The following EPB41L2 variants were observed in gnomAD, a reference collection of about 807,000 sequenced individuals.
EPB41L2 encodes the protein band 4.1-like protein 2.
Under a neutral mutation model 113.0 loss-of-function variants are expected in EPB41L2, and 43 were observed. The ratio of observed to expected loss-of-function variants is 0.38; its 90% confidence interval spans 0.30 to 0.49. The LOEUF (loss-of-function observed/expected upper bound fraction) is 0.49, where lower values mean the gene tolerates loss of function less well. EPB41L2 is among the 20% of genes least tolerant of loss of function. The probability of loss-of-function intolerance (pLI) is 0.95; values close to 1 mark genes in which losing one functional copy is unlikely to be tolerated. For synonymous variants in EPB41L2, 442 were observed against 436.7 expected (o/e 1.01, Z -0.15); for missense variants, 1,147 against 1,223.4 (o/e 0.94, Z 0.93).
intron 1 of EPB41L2, among the ~76,000 whole-genome samples, chr6:131,001,070 GC>G (rs1367356860): frequency 6.6e-6 from 1 of 151,914 alleles, no homozygotes; most frequent in Non-Finnish European, 1.5e-5. Context: ...GAAACTTTCT[GC>G]CAAGTATATT....
chr6:130,936,940 T>C lies in EPB41L2; in HGVS notation c.706-10231A>G, dbSNP rs542378347. On this transcript the variant is annotated intron_variant, in intron 3 of 19. Coordinates refer to ENST00000337057, the MANE Select transcript of EPB41L2 (RefSeq NM_001431.4). Reference sequence around the variant, plus strand: ...GCATCAGACCCGCTGAATTAGAATCTACAAAAGAAGAACCTGGGCATCTGT... The same window carrying C: ...GCATCAGACCCGCTGAATTAGAATCCACAAAAGAAGAACCTGGGCATCTGT... Among the ~76,000 whole-genome samples, 14 of 152,368 alleles carry C rather than the reference T, an allele frequency of 9.2e-5. No homozygotes were observed. In the South Asian group the frequency reaches 2.7e-3, roughly 29 times the overall value.
chr6:130,950,315 A>C (rs981473217), intron 3 of EPB41L2, among the ~76,000 whole-genome samples: 2 of 150,304 alleles, frequency 1.3e-5, no homozygotes, highest in Admixed American at 6.6e-5. Context: ...AAAATATATA[A>C]TGGTAAATCT....
intron 1 of EPB41L2, among the ~76,000 whole-genome samples, chr6:130,972,598 A>T (rs1777116674): frequency 6.6e-6 from 1 of 151,606 alleles, no homozygotes; most frequent in African/African-American, 2.4e-5. Context: ...CAGGACTCAG[A>T]TAGACTATAA....
At chr6:130,977,582 C>A (rs1778466794) in intron 1 of EPB41L2, among the ~76,000 whole-genome samples, 1 of 152,148 alleles carries the variant, frequency 6.6e-6, no homozygotes, top group Non-Finnish European at 1.5e-5. Flanking sequence ...CTACAATGCT[C>A]CCCAGCTCTG....
At chr6:130,938,871 CT>C (rs1809819666) in intron 3 of EPB41L2, among the ~76,000 whole-genome samples, 1 of 152,008 alleles carries the variant, frequency 6.6e-6, no homozygotes, top group South Asian at 2.1e-4. Flanking sequence ...TGCTTATCTG[CT>C]AGATTTGAAA....
rs570972995 is a variant in EPB41L2 at position 130,962,593 on chromosome 6, G to A, written c.-14-6094C>T. 3.0e-4 allele frequency among the ~76,000 whole-genome samples: 46 copies of A among 152,160 alleles called. No individual in the cohort carries two copies. In the South Asian group the frequency reaches 4.2e-3, roughly 14 times the overall value. On this transcript the variant is annotated intron_variant, in intron 1 of 19. Transcript: ENST00000337057. ...TCACTTGTTTATTTATTTTTAAAAG[G>A]ATAAGGGACCTATTAGACAGAGCTA...
chr6:131,019,296 T>C (rs1024813179), intron 1 of EPB41L2, among the ~76,000 whole-genome samples: 2 of 152,222 alleles, frequency 1.3e-5, no homozygotes, highest in Non-Finnish European at 2.9e-5. Flanking sequence ...TGATCTTCTT[T>C]ACATAAATTT....
chr6:130,928,161 CA>C (rs780959456), intron 3 of EPB41L2, among the ~76,000 whole-genome samples: 3 of 152,090 alleles, frequency 2.0e-5, no homozygotes, highest in Non-Finnish European at 4.4e-5. Flanking sequence ...TACAGGTTTG[CA>C]ATGAGGATTT....
At chr6:130,949,848 A>T (rs1044326468) in intron 3 of EPB41L2, among the ~76,000 whole-genome samples, 3 of 152,046 alleles carry the variant, frequency 2.0e-5, no homozygotes, top group African/African-American at 7.2e-5. Flanking sequence ...GACCTTAATG[A>T]TAATCCACTT....
intron 1 of EPB41L2, chr6:131,014,183 C>G (rs1009281537): frequency 6.6e-6 from 1 of 152,052 alleles, no homozygotes; most frequent in Non-Finnish European, 1.5e-5. Context: ...CAGGATGAAG[C>G]CGAAGTTCTT....
intron 1 of EPB41L2, among the ~76,000 whole-genome samples, chr6:130,999,513 T>C (rs1783876840): frequency 6.6e-6 from 1 of 152,192 alleles, no homozygotes; most frequent in African/African-American, 2.4e-5. Context: ...TTTCGGCACA[T>C]TTGTAGTAAG....
chr6:131,063,205 G>C lies in EPB41L2; in HGVS notation c.-65C>G, dbSNP rs879768306. 2.0e-5 allele frequency: 3 copies of C among 152,634 alleles called. No homozygotes were observed. The highest frequency in any genetic ancestry group is 7.2e-5 in the African/African-American group (3 of 41,404). 9.5% of individuals were successfully genotyped at this position (152,634 alleles called of 1,614,324 possible). A position where few individuals can be genotyped will look rare whatever the true frequency, so the allele number is the denominator to read the frequency against. ...CCGTCCCTCTTCAGTCCCAGCCGCCGGCAGCCGCGCCTGCCTCCTCCCTCC... is the reference window on the plus strand; with the variant it reads ...CCGTCCCTCTTCAGTCCCAGCCGCCCGCAGCCGCGCCTGCCTCCTCCCTCC... On this transcript the variant is annotated 5_prime_UTR_variant, in exon 1 of 20. Coordinates refer to ENST00000337057, the MANE Select transcript of EPB41L2 (RefSeq NM_001431.4).
intron 1 of EPB41L2, among the ~76,000 whole-genome samples, chr6:130,985,301 G>A (rs934317700): frequency 2.0e-5 from 3 of 152,114 alleles, no homozygotes; most frequent in African/African-American, 7.2e-5. Context: ...CATTTGGGGG[G>A]GGACTTTCCC....
At chr6:130,861,978 T>C (rs556420311) in intron 18 of EPB41L2, among the ~76,000 whole-genome samples, 10 of 152,198 alleles carry the variant, frequency 6.6e-5, no homozygotes, top group South Asian at 6.2e-4. Flanking sequence ...GGCTGAAACA[T>C]GACATCATAT....
At chr6:130,849,528 G>A (rs769788319) in intron 19 of EPB41L2, among the ~76,000 whole-genome samples, 7 of 152,240 alleles carry the variant, frequency 4.6e-5, no homozygotes, top group Middle Eastern at 3.4e-3. Flanking sequence ...CGTGAAAACT[G>A]AGGGATAATT....
chr6:130,851,060 C>T (rs908823680), intron 19 of EPB41L2, among the ~76,000 whole-genome samples: 4 of 152,116 alleles, frequency 2.6e-5, no homozygotes, highest in African/African-American at 9.7e-5. Context: ...TAATAAGATG[C>T]TAATTTTAGG....
At chr6:131,003,632 C>T (rs1044577466) in intron 1 of EPB41L2, among the ~76,000 whole-genome samples, 11 of 152,054 alleles carry the variant, frequency 7.2e-5, no homozygotes, top group African/African-American at 2.4e-4. Context: ...AGTGACTGAA[C>T]GCAAGTAACC....
chr6:131,027,276 A>T (rs946735605), intron 1 of EPB41L2, among the ~76,000 whole-genome samples: 7 of 152,194 alleles, frequency 4.6e-5, no homozygotes, highest in African/African-American at 1.7e-4. Context: ...CATCAGGTAT[A>T]ACTGATTCTA....
At chr6:131,032,773 C>T (rs571742805) in intron 1 of EPB41L2, among the ~76,000 whole-genome samples, 90 of 152,262 alleles carry the variant, frequency 5.9e-4, no homozygotes, top group African/African-American at 2.0e-3. Flanking sequence ...TATACCAATG[C>T]TGAAGTTAAG....
Sources: gnomAD v4.1 joint callset for allele counts (sites outside exome capture counted in the v4.1 genomes callset) on GRCh38, gnomAD v4.1.1 for gene constraint, MANE v1.5 for transcripts, NCBI Gene and HGNC (gene_info 2026-07-23, HGNC 2026-07-21) for gene names.